DLGAP2: variants seen among roughly 807,000 people sequenced by gnomAD.
The protein encoded by DLGAP2 is disks large-associated protein 2.
A neutral mutation model predicts 100.3 loss-of-function variants in DLGAP2; 26 were observed. The ratio of observed to expected loss-of-function variants is 0.26; its 90% CI spans 0.19 to 0.36. The LOEUF (loss-of-function observed/expected upper bound fraction) is 0.36. Among genes scored for constraint, DLGAP2 ranks in the 10% least tolerant of loss-of-function variants. The pLI is 1.00. For missense variants in DLGAP2, 1,858 were observed against 1,453.2 expected (o/e 1.28, Z -4.53); for synonymous variants, 886 against 630.1 (o/e 1.41, Z -6.08).
At chr8:1,304,635 C>G (rs191816902) in intron 3 of DLGAP2, among the ~76,000 whole-genome samples, 6 of 152,248 alleles carry the variant, frequency 3.9e-5, no homozygotes, top group Admixed American at 2.0e-4. Context: ...ATTTATATGG[C>G]TACACCTTAA....
chr8:987,615 A>C (rs1373375827), intron 2 of DLGAP2, among the ~76,000 whole-genome samples: 1 of 152,184 alleles, frequency 6.6e-6, no homozygotes, highest in African/African-American at 2.4e-5. Flanking sequence ...TTATTTGTCA[A>C]GATCTTTAGC....
chr8:827,562 A>G (rs1174810667), intron 1 of DLGAP2, among the ~76,000 whole-genome samples: 1 of 152,180 alleles, frequency 6.6e-6, no homozygotes, highest in East Asian at 1.9e-4. Context: ...AACTTAGAAC[A>G]GTATTTACAT....
intron 3 of DLGAP2, among the ~76,000 whole-genome samples, chr8:1,266,825 C>T (rs147915877): frequency 6.6e-6 from 1 of 152,130 alleles, no homozygotes; most frequent in South Asian, 2.1e-4. Flanking sequence ...TACATGCCCT[C>T]TCCCCATTGT....
intron 2 of DLGAP2, among the ~76,000 whole-genome samples, chr8:1,052,171 G>C (rs148288103): frequency 1.4e-4 from 22 of 152,134 alleles, no homozygotes; most frequent in Non-Finnish European, 3.2e-4. Context: ...GCCTGGGCCC[G>C]GCCGCCCTTC....
intron 1 of DLGAP2, among the ~76,000 whole-genome samples, chr8:760,616 C>G (rs1821055976): frequency 6.6e-6 from 1 of 152,122 alleles, no homozygotes; most frequent in African/African-American, 2.4e-5. Flanking sequence ...GCTGGGAAGC[C>G]TGATTTTTGT....
chr8:881,668 C>CACACACACAT (rs1797799094), intron 1 of DLGAP2, among the ~76,000 whole-genome samples: 2 of 121,066 alleles, frequency 1.7e-5, no homozygotes, highest in Admixed American at 8.9e-5. Flanking sequence ...TGTGGCTGAA[C>CACACACACAT]ACACACACAC....
At chr8:1,287,302 G>C (rs965900197) in intron 3 of DLGAP2, among the ~76,000 whole-genome samples, 3 of 123,316 alleles carry the variant, frequency 2.4e-5, no homozygotes, top group African/African-American at 9.7e-5. Flanking sequence ...AGGGGAACTA[G>C]TTTCGGTTCA....
chr8:1,430,222 T>C (rs1797385849), intron 3 of DLGAP2, among the ~76,000 whole-genome samples: 2 of 151,500 alleles, frequency 1.3e-5, no homozygotes, highest in South Asian at 4.2e-4. Flanking sequence ...CAATGATCTG[T>C]GATTCCTTTG....
At chr8:1,359,052 G>A (rs1377517326) in intron 3 of DLGAP2, among the ~76,000 whole-genome samples, 3 of 152,170 alleles carry the variant, frequency 2.0e-5, no homozygotes, top group East Asian at 1.9e-4. Context: ...TCGGCAGGTC[G>A]GGGTGGGGCC....
chr8:1,221,904 A>G (rs1198185622), intron 2 of DLGAP2, among the ~76,000 whole-genome samples: 1 of 152,092 alleles, frequency 6.6e-6, no homozygotes, highest in African/African-American at 2.4e-5. Flanking sequence ...TAATGCTTCT[A>G]ATTGCATTCC....
intron 3 of DLGAP2, among the ~76,000 whole-genome samples, chr8:1,411,578 T>G (rs1796732112): frequency 6.6e-6 from 1 of 152,144 alleles, no homozygotes. Flanking sequence ...GTAACCGAAA[T>G]GCGGAACCTG....
At chr8:1,622,361 A>G (rs1201007141) in intron 6 of DLGAP2, 1 of 152,254 alleles carries the variant, frequency 6.6e-6, no homozygotes, top group African/African-American at 2.4e-5. Context: ...ACTGCTTTCC[A>G]AGGTAACAAG....
intron 2 of DLGAP2, among the ~76,000 whole-genome samples, chr8:1,219,332 G>T (rs1416591662): frequency 6.6e-6 from 1 of 152,152 alleles, no homozygotes; most frequent in East Asian, 1.9e-4. Context: ...ATGAAAGGAT[G>T]TTGAATTCTA....
intron 1 of DLGAP2, among the ~76,000 whole-genome samples, chr8:828,821 C>T (rs534727857): frequency 8.5e-5 from 13 of 152,308 alleles, no homozygotes; most frequent in South Asian, 2.1e-4. Context: ...TCACAATCCA[C>T]GTTCTTCTGC....
intron 6 of DLGAP2, among the ~76,000 whole-genome samples, chr8:1,613,350 C>T (rs1184804750): frequency 2.7e-5 from 4 of 147,702 alleles, no homozygotes; most frequent in African/African-American, 7.6e-5. Context: ...AATTAGAACA[C>T]GTGGACACAG....
At chr8:1,254,646 C>T (rs1367080808) in intron 2 of DLGAP2, among the ~76,000 whole-genome samples, 1 of 152,080 alleles carries the variant, frequency 6.6e-6, no homozygotes, top group African/African-American at 2.4e-5. Flanking sequence ...TCATTTAAAG[C>T]AGTTTTTTGT....
At chr8:1,359,271 C>T (rs1185892803) in intron 3 of DLGAP2, among the ~76,000 whole-genome samples, 1 of 152,228 alleles carries the variant, frequency 6.6e-6, no homozygotes, top group African/African-American at 2.4e-5. Flanking sequence ...GCCCTCCCTG[C>T]TGGGAAGACC....
At chr8:1,337,217 A>ATGGTGGTGG (rs1165107168) in intron 3 of DLGAP2, among the ~76,000 whole-genome samples, 1 of 99,782 alleles carries the variant, frequency 1.0e-5, no homozygotes, top group African/African-American at 4.7e-5. Context: ...GGTGATGATG[A>ATGGTGGTGG]TGAGGATGAT....
rs1218932347 is a variant in DLGAP2 at position 1,708,026 on chromosome 8, T to C, written c.*6620T>C. On this transcript the variant is annotated 3_prime_UTR_variant, in exon 15 of 15. Coordinates refer to ENST00000637795, the MANE Select transcript of DLGAP2 (RefSeq NM_001346810.2). Reference sequence around the variant, plus strand: ...TTCCTCTTAATAACTTACCAGAATGTTGGTCATTCCTTTAAGGCAGTTAAG... The same window carrying C: ...TTCCTCTTAATAACTTACCAGAATGCTGGTCATTCCTTTAAGGCAGTTAAG... 23 of 152,678 alleles carry C rather than the reference T, an allele frequency of 1.5e-4. No individual in the cohort carries two copies. Among genetic ancestry groups the C allele is most frequent in the Non-Finnish European group, 1.5e-4 (10 of 68,054 alleles). 9.5% of individuals were successfully genotyped at this position (152,678 alleles called of 1,614,324 possible). A position where few individuals can be genotyped will look rare whatever the true frequency, so the allele number is the denominator to read the frequency against.
Sources: allele counts gnomAD v4.1 joint callset (sites outside exome capture counted in the v4.1 genomes callset), GRCh38; gene constraint gnomAD v4.1.1; transcripts MANE v1.5; gene names NCBI Gene and HGNC (gene_info 2026-07-23, HGNC 2026-07-21).